Variants in TRIM61 observed in about 807,000 individuals in gnomAD.
TRIM61 encodes putative tripartite motif-containing protein 61.
A neutral mutation model predicts 14.2 loss-of-function variants in TRIM61; 1 was observed. The observed-to-expected ratio is 0.07, with a 90% CI of 0.03 to 0.33. The LOEUF (loss-of-function observed/expected upper bound fraction) is 0.33. TRIM61 is among the 10% of genes least tolerant of loss of function. The pLI is 0.99. For synonymous variants in TRIM61, 8 were observed against 71.6 expected, an observed-to-expected ratio of 0.11 and a Z score of 4.49; for missense variants, 19 against 202.2, an observed-to-expected ratio of 0.09 and a Z score of 5.49.
intron 3 of TRIM61, among the ~76,000 whole-genome samples, chr4:164,955,260 T>C (rs1731957814): frequency 1.3e-5 from 2 of 152,208 alleles, no homozygotes; most frequent in African/African-American, 4.8e-5. Flanking sequence ...AGGGGCCTCA[T>C]GCTGGTTTGC....
intron 3 of TRIM61, chr4:164,957,520 C>A: frequency 1.3e-6 from 2 of 1,577,894 alleles, no homozygotes; most frequent in Non-Finnish European, 1.7e-6. Flanking sequence ...AAGGAAGAAG[C>A]TCACAGGGGA....
chr4:164,954,965 G>A (rs1361103867), intron 4 of TRIM61: 1 of 324,994 alleles, frequency 3.1e-6, no homozygotes, highest in East Asian at 1.4e-4. Flanking sequence ...GCTGGGCATG[G>A]TGGAGGGCAC....
chr4:164,972,488 G>A (rs1458263120), intron 2 of TRIM61, among the ~76,000 whole-genome samples: 1 of 130,168 alleles, frequency 7.7e-6, no homozygotes, highest in African/African-American at 2.7e-5. Flanking sequence ...TTCAAGATTT[G>A]CCTATTGCTT....
chr4:164,957,321 G>C, intron 3 of TRIM61: 2 of 1,614,126 alleles, frequency 1.2e-6, no homozygotes, highest in Non-Finnish European at 1.7e-6. Flanking sequence ...AGGAATTTTA[G>C]TGGCAGCATT....
intron 3 of TRIM61, among the ~76,000 whole-genome samples, chr4:164,960,922 AC>A: frequency 6.6e-6 from 1 of 152,196 alleles, no homozygotes; most frequent in East Asian, 1.9e-4. Context: ...CTGCACTCAA[AC>A]CTGGGTGGCA....
chr4:164,958,514 A>T (rs1216263046), intron 3 of TRIM61: 1 of 167,028 alleles, frequency 6.0e-6, no homozygotes, highest in East Asian at 1.9e-4. Context: ...TATTTAGGAG[A>T]GGAGCTCTTC....
At chr4:164,966,091 C>G (rs1443340471) in intron 3 of TRIM61, among the ~76,000 whole-genome samples, 2 of 152,138 alleles carry the variant, frequency 1.3e-5, no homozygotes, top group Admixed American at 6.5e-5. Context: ...TGAGAAGGCT[C>G]CTTGAGAGTA....
At chr4:164,975,581 T>C (rs1321379192) in intron 2 of TRIM61, among the ~76,000 whole-genome samples, 1 of 152,226 alleles carries the variant, frequency 6.6e-6, no homozygotes, top group Non-Finnish European at 1.5e-5. Context: ...TCTAGGGCTG[T>C]GCAGGACGTG....
intron 3 of TRIM61, among the ~76,000 whole-genome samples, chr4:164,960,388 C>CA (rs773303656): frequency 3.9e-4 from 58 of 149,970 alleles, no homozygotes; most frequent in African/African-American, 1.1e-3. Flanking sequence ...ATTAAAAATA[C>CA]AAAAAAAAGA....
intron 3 of TRIM61, 36 bp downstream of exon 3, chr4:164,968,245 G>C: frequency 1.0e-6 from 1 of 979,314 alleles, no homozygotes; most frequent in Non-Finnish European, 1.2e-6. Context: ...CTTTAATAAA[G>C]ACTTAATCTT....
chr4:164,964,120 CG>C (rs1732190322), intron 3 of TRIM61, among the ~76,000 whole-genome samples: 1 of 151,644 alleles, frequency 6.6e-6, no homozygotes, highest in African/African-American at 2.4e-5. Flanking sequence ...GAGGCCGAGG[CG>C]GGCTGATCAC....
chr4:164,966,582 G>A (rs1372283414), intron 3 of TRIM61, among the ~76,000 whole-genome samples: 1 of 152,156 alleles, frequency 6.6e-6, no homozygotes, highest in East Asian at 1.9e-4. Context: ...TAAATCTTGT[G>A]AACAATAACT....
At chr4:164,959,979 T>C (rs1732097965) in intron 3 of TRIM61, among the ~76,000 whole-genome samples, 1 of 152,044 alleles carries the variant, frequency 6.6e-6, no homozygotes, top group South Asian at 2.1e-4. Flanking sequence ...CAAAATGAGG[T>C]CATTAGGGTG....
intron 3 of TRIM61, among the ~76,000 whole-genome samples, chr4:164,956,142 T>C (rs1731983519): frequency 6.6e-6 from 1 of 152,246 alleles, no homozygotes. Flanking sequence ...CCTGGCTCAC[T>C]GCAACCTCAA....
Position 164,955,064 on chromosome 4 carries a change from G to T in TRIM61, c.558C>A (p.Cys186Ter). The change falls in exon 4 of 5, where the codon TGC becomes TGA. Residue 186 changes from cysteine (C) to a stop codon, truncating the protein, a stop_gained. Coordinates refer to ENST00000329314, the MANE Select transcript of TRIM61 (RefSeq NM_001012414.3). LOFTEE classifies it high-confidence loss of function. ...TGAAGTGAGCCGAGATCGTGCAACT[G>T]CACTCCAGCCTGGTGACAGAAGGAG... 1 of 194,718 alleles carries T rather than the reference G, an allele frequency of 5.1e-6. No homozygotes were observed. Among genetic ancestry groups the T allele is most frequent in the Non-Finnish European group, 1.1e-5 (1 of 94,456 alleles). 12.1% of individuals were successfully genotyped at this position (194,718 alleles called of 1,614,324 possible).
At chr4:164,971,098 C>T (rs910841776) in intron 2 of TRIM61, among the ~76,000 whole-genome samples, 2 of 152,044 alleles carry the variant, frequency 1.3e-5, no homozygotes, top group Admixed American at 1.3e-4. Context: ...GAAACTCTAT[C>T]TCCCCCCTCA....
In TRIM61 at chr4:164,967,266, A is replaced by C. The variant is rs115855695; in HGVS notation, c.525+2212T>G. Among the ~76,000 whole-genome samples the C allele has an allele frequency of 5.3e-3, 804 of 152,300 alleles. 9 individuals carry two copies. Among genetic ancestry groups the C allele is most frequent in the African/African-American group, 0.016 (684 of 41,580 alleles). On this transcript the variant is annotated intron_variant, in intron 3 of 4. Transcript: ENST00000329314. ...AAATTCATTGAATAGATTCACTGTT[A>C]TGTCTACTGACATGTTGTCAATTTT...
chr4:164,971,439 G>A (rs1732362401), intron 2 of TRIM61, among the ~76,000 whole-genome samples: 1 of 151,680 alleles, frequency 6.6e-6, no homozygotes, highest in Non-Finnish European at 1.5e-5. Context: ...TAAAAACACA[G>A]AATTAGCTGG....
At chr4:164,973,602 T>C (rs992267642) in intron 2 of TRIM61, among the ~76,000 whole-genome samples, 1 of 152,218 alleles carries the variant, frequency 6.6e-6, no homozygotes, top group African/African-American at 2.4e-5. Context: ...ATGTACTTGG[T>C]CAAGTTAATT....
Sources: allele counts gnomAD v4.1 joint callset (sites outside exome capture counted in the v4.1 genomes callset), GRCh38; gene constraint gnomAD v4.1.1; transcripts MANE v1.5; gene names NCBI Gene and HGNC (gene_info 2026-07-23, HGNC 2026-07-21).